Variants in TBC1D22A observed in about 807,000 individuals in gnomAD.
TBC1D22A encodes TBC1 domain family member 22A.
In TBC1D22A, 38 loss-of-function variants were observed where a neutral mutation model predicts 60.2. That is an observed-to-expected ratio of 0.63 (90% CI 0.49 to 0.83). TBC1D22A has a LOEUF of 0.83. Among genes scored for constraint, TBC1D22A ranks in the 40% least tolerant of loss-of-function variants. TBC1D22A has a pLI of 0.00. For missense variants in TBC1D22A, 628 were observed against 701.0 expected (o/e 0.90, Z 1.18); for synonymous variants, 302 against 281.7 (o/e 1.07, Z -0.72).
Position 47,174,623 on chromosome 22 carries a change from CCA to C in TBC1D22A, c.*998_*999del, listed in dbSNP as rs2068611655. ...CTGGTTCCATCATGGACCGGTTCCT[CCA>C]TGGACCGGTTCCTCCGTGGACCGGT... On this transcript the variant is annotated 3_prime_UTR_variant, in exon 13 of 13. Coordinates refer to ENST00000337137, the MANE Select transcript of TBC1D22A (RefSeq NM_014346.5). The C allele has an allele frequency of 1.0e-4, 1 of 9,742 alleles. No homozygotes were observed. Among genetic ancestry groups the C allele is most frequent in the African/African-American group, 2.4e-4 (1 of 4,220 alleles). The allele number at this position is 9,742 out of a possible 1,614,324, so 0.6% of individuals were successfully genotyped here. A position where few individuals can be genotyped will look rare whatever the true frequency, so the allele number is the denominator to read the frequency against.
chr22:47,144,080 G>A (rs1413030742), intron 12 of TBC1D22A, among the ~76,000 whole-genome samples: 1 of 152,212 alleles, frequency 6.6e-6, no homozygotes, highest in African/African-American at 2.4e-5. Flanking sequence ...GGTGTCAGGG[G>A]ATCCTGTACC....
intron 4 of TBC1D22A, 107 bp from the exon 5 acceptor site, chr22:46,878,546 G>C: frequency 1.2e-6 from 1 of 859,328 alleles, no homozygotes; most frequent in Non-Finnish European, 2.0e-6. Flanking sequence ...ATTTGTTTAT[G>C]GGGCTCCTTG....
In TBC1D22A at chr22:46,997,676, A is replaced by G. The variant is rs775814845; in HGVS notation, c.1168A>G (p.Lys390Glu). The G allele has an allele frequency of 1.9e-6, 3 of 1,613,992 alleles. No homozygotes were observed. The African/African-American group carries it at 4.0e-5, about 22-fold the overall frequency. Residue 390 changes from lysine (K) to glutamate (E), a missense_variant, in exon 10 of 13, where the codon AAA becomes GAA. Transcript: ENST00000337137. ...FAQPGIQMKVKMLEELVSRID... is the reference protein window; with the variant it reads ...FAQPGIQMKVEMLEELVSRID... Reference sequence around the variant, plus strand: ...CCAACCTGGGATTCAAATGAAAGTGAAAATGTTAGAAGAACTCGTGAGCCG... The same window carrying G: ...CCAACCTGGGATTCAAATGAAAGTGGAAATGTTAGAAGAACTCGTGAGCCG...
chr22:47,015,245 G>A (rs1336518716), intron 10 of TBC1D22A, among the ~76,000 whole-genome samples: 3 of 152,194 alleles, frequency 2.0e-5, no homozygotes, highest in Admixed American at 6.5e-5. Context: ...GCCAGGATGC[G>A]GTTCCTGGCG....
chr22:46,842,895 A>G (rs561826214), intron 4 of TBC1D22A, among the ~76,000 whole-genome samples: 1 of 152,320 alleles, frequency 6.6e-6, no homozygotes, highest in South Asian at 2.1e-4. Context: ...TCTGGGTGAC[A>G]TCGATGAGAA....
chr22:46,774,729 G>A (rs2083627734), intron 1 of TBC1D22A, among the ~76,000 whole-genome samples: 1 of 152,134 alleles, frequency 6.6e-6, no homozygotes, highest in Non-Finnish European at 1.5e-5. Flanking sequence ...AGCCCTTTCC[G>A]GCTTCGGGGC....
At chr22:46,872,852 C>T (rs1288060168) in intron 4 of TBC1D22A, among the ~76,000 whole-genome samples, 1 of 152,120 alleles carries the variant, frequency 6.6e-6, no homozygotes, top group African/African-American at 2.4e-5. Context: ...ATTCTATGAG[C>T]TGGGGAAAGT....
intron 4 of TBC1D22A, among the ~76,000 whole-genome samples, chr22:46,808,679 C>A: frequency 6.6e-6 from 1 of 152,120 alleles, no homozygotes; most frequent in East Asian, 1.9e-4. Flanking sequence ...ACTGCAAGCT[C>A]CGCCTCCTGA....
At chr22:47,060,206 C>T (rs577104197) in intron 11 of TBC1D22A, among the ~76,000 whole-genome samples, 8 of 151,538 alleles carry the variant, frequency 5.3e-5, no homozygotes, top group African/African-American at 1.7e-4. Context: ...GGCCTCCCTT[C>T]AGCCTCTGCG....
chr22:46,889,605 C>G (rs12167986), intron 5 of TBC1D22A, among the ~76,000 whole-genome samples: 272 of 152,244 alleles, frequency 1.8e-3, no homozygotes, highest in African/African-American at 6.2e-3. Flanking sequence ...AAATGCTCAT[C>G]GACAGGCGAA....
chr22:46,796,533 A>G (rs1240399660), intron 3 of TBC1D22A, among the ~76,000 whole-genome samples: 1 of 152,132 alleles, frequency 6.6e-6, no homozygotes, highest in East Asian at 1.9e-4. Context: ...GACAGGATTT[A>G]GACCCAGGAG....
chr22:46,932,116 C>G (rs2071385757), intron 8 of TBC1D22A, among the ~76,000 whole-genome samples: 1 of 152,242 alleles, frequency 6.6e-6, no homozygotes, highest in South Asian at 2.1e-4. Flanking sequence ...CTGTGCTAGT[C>G]AGAGCAAGAC....
At chr22:47,097,026 G>A (rs1343097422) in intron 11 of TBC1D22A, among the ~76,000 whole-genome samples, 3 of 66,948 alleles carry the variant, frequency 4.5e-5, no homozygotes, top group South Asian at 6.4e-4. Flanking sequence ...GCACTGCTGT[G>A]CCTGTCATGG....
chr22:46,925,621 A>T, intron 8 of TBC1D22A, among the ~76,000 whole-genome samples: 1 of 152,210 alleles, frequency 6.6e-6, no homozygotes, highest in East Asian at 1.9e-4. Flanking sequence ...ATTCTTTTCC[A>T]TAGTAGCTAT....
At chr22:47,050,802 A>T (rs995546226) in intron 11 of TBC1D22A, among the ~76,000 whole-genome samples, 2 of 151,348 alleles carry the variant, frequency 1.3e-5, no homozygotes, top group African/African-American at 4.9e-5. Flanking sequence ...AGGTGGGGGG[A>T]TGGTGAGGAC....
chr22:47,077,230 C>T (rs1411611916), intron 11 of TBC1D22A, among the ~76,000 whole-genome samples: 1 of 152,212 alleles, frequency 6.6e-6, no homozygotes, highest in African/African-American at 2.4e-5. Flanking sequence ...CATTCCCCAA[C>T]TCTCTGTGTG....
At chr22:46,943,530 G>A (rs1168913872) in intron 8 of TBC1D22A, among the ~76,000 whole-genome samples, 4 of 152,216 alleles carry the variant, frequency 2.6e-5, no homozygotes, top group Non-Finnish European at 5.9e-5. Flanking sequence ...GCCTGGAAAG[G>A]GGAATAAACC....
chr22:46,827,868 T>C (rs1373864427), intron 4 of TBC1D22A, among the ~76,000 whole-genome samples: 1 of 152,212 alleles, frequency 6.6e-6, no homozygotes, highest in Non-Finnish European at 1.5e-5. Context: ...GGACTGTCTG[T>C]CTCAACCACG....
chr22:47,088,801 A>G (rs1162317336), intron 11 of TBC1D22A, among the ~76,000 whole-genome samples: 1 of 152,204 alleles, frequency 6.6e-6, no homozygotes, highest in African/African-American at 2.4e-5. Context: ...GATCAATTGC[A>G]GCATCACCAG....
Sources: allele counts gnomAD v4.1 joint callset (sites outside exome capture counted in the v4.1 genomes callset), GRCh38; gene constraint gnomAD v4.1.1; transcripts MANE v1.5; gene names NCBI Gene and HGNC (gene_info 2026-07-23, HGNC 2026-07-21).